Variants in MRGPRX3 observed in about 807,000 individuals in gnomAD.
The protein encoded by MRGPRX3 is MAS related GPR family member X3.
Under a neutral mutation model 16.5 loss-of-function variants are expected in MRGPRX3, and 14 were observed. The observed-to-expected ratio is 0.85, with a 90% CI of 0.56 to 1.33. The LOEUF (loss-of-function observed/expected upper bound fraction) is 1.33, where lower values mean the gene tolerates loss of function less well. Among genes scored for constraint, MRGPRX3 ranks in the 40% most tolerant of loss-of-function variants. The pLI is 0.00. For missense variants in MRGPRX3, 449 were observed against 413.0 expected, an observed-to-expected ratio of 1.09 and a Z score of -0.76; for synonymous variants, 199 against 180.1, an observed-to-expected ratio of 1.10 and a Z score of -0.84.
In MRGPRX3 at chr11:18,138,097, C is replaced by T. The variant is rs144841097; in HGVS notation, c.895C>T (p.Pro299Ser). 160 of 1,614,132 alleles carry T rather than the reference C, an allele frequency of 9.9e-5. No homozygotes were observed. In the African/African-American group the frequency reaches 1.7e-3, roughly 17 times the overall value. Reference protein sequence around the residue: ...LVLQRALQDTPEVDEGGGWLP... With the variant: ...LVLQRALQDTSEVDEGGGWLP... ...TCTCCAGAGGGCTCTGCAGGACACG[C>T]CTGAGGTGGATGAAGGTGGAGGGTG... Residue 299 changes from proline (P) to serine (S), a missense_variant, in exon 2 of 2, where the codon CCT becomes TCT. Coordinates refer to ENST00000621697, the MANE Select transcript of MRGPRX3 (RefSeq NM_001370464.1).
At chr11:18,130,114 T>A (rs760989860), upstream of MRGPRX3, among the ~76,000 whole-genome samples, 34 of 152,144 alleles carry the variant, frequency 2.2e-4, no homozygotes, top group Non-Finnish European at 4.1e-4. Context: ...CCCTGAGAAC[T>A]GGAACAAGAC....
intron 1 of MRGPRX3, among the ~76,000 whole-genome samples, chr11:18,125,229 A>G (rs1848880942): frequency 6.6e-6 from 1 of 152,076 alleles, no homozygotes; most frequent in Admixed American, 6.5e-5. Context: ...GCTTTCTGCT[A>G]GCTTTTGAAT....
intron 1 of MRGPRX3, among the ~76,000 whole-genome samples, chr11:18,125,465 G>A (rs1036322999): frequency 2.0e-5 from 3 of 152,176 alleles, no homozygotes; most frequent in African/African-American, 7.2e-5. Flanking sequence ...TCATTCAGGA[G>A]CAGGTTGTTC....
chr11:18,131,305 C>CG (rs1848959156), upstream of MRGPRX3, among the ~76,000 whole-genome samples: 1 of 151,892 alleles, frequency 6.6e-6, no homozygotes, highest in African/African-American at 2.4e-5. Flanking sequence ...GACTAATATC[C>CG]GGAATCCACA....
rs149836029 is a variant in MRGPRX3 at position 18,137,324 on chromosome 11, C to G, written c.122C>G (p.Ala41Gly). ...CTGACGTGCATCGTTTCCCTTGTCG[C>G]GCTGACAGGAAACGCGGTTGTGCTC... ...TGLTCIVSLV[A>G]LTGNAVVLWL... Residue 41 changes from alanine to glycine, a missense_variant, in exon 2 of 2, where the codon GCG (alanine) becomes GGG (glycine). Transcript: ENST00000621697. The G allele has an allele frequency of 2.4e-5, 38 of 1,614,138 alleles. No homozygotes were observed. Among genetic ancestry groups the G allele is most frequent in the African/African-American group, 1.5e-4 (11 of 75,034 alleles).
At chr11:18,132,507 G>T (rs567481342), upstream of MRGPRX3, 1 of 152,310 alleles carries the variant, frequency 6.6e-6, no homozygotes, top group Admixed American at 6.5e-5. Flanking sequence ...TAGGATTTGT[G>T]TCTCAAATAC....
chr11:18,124,791 G>GA (rs1848874463), intron 1 of MRGPRX3, among the ~76,000 whole-genome samples: 1 of 152,176 alleles, frequency 6.6e-6, no homozygotes. Context: ...ACCTCTGGTA[G>GA]AATTCGGCTG....
chr11:18,132,279 C>T (rs150038773), upstream of MRGPRX3, among the ~76,000 whole-genome samples: 219 of 152,284 alleles, frequency 1.4e-3, 1 homozygote, highest in African/African-American at 5.1e-3. Flanking sequence ...AAAATTGTGT[C>T]AGGCCATTGT....
Position 18,137,854 on chromosome 11 carries a change from A to G in MRGPRX3, c.652A>G (p.Ile218Val), listed in dbSNP as rs202132500. ...GCCGCTGACCAGGCTGTACGTGACC[A>G]TCCTCCTCACAGTGCTGGTCTTCCT... ...KMPLTRLYVT[I>V]LLTVLVFLLC... The change falls in exon 2 of 2, where the codon ATC (isoleucine) becomes GTC (valine). Residue 218 changes from isoleucine to valine, a missense_variant. By Grantham distance (29) the Ile-to-Val change is conservative. Transcript: ENST00000621697. 3 of 1,613,958 alleles carry G rather than the reference A, an allele frequency of 1.9e-6. No individual in the cohort carries two copies. The highest frequency in any genetic ancestry group is 1.7e-6 in the Non-Finnish European group (2 of 1,179,974).
chr11:18,121,056 G>A (rs1296489773), exon 1 of MRGPRX3: 1 of 153,176 alleles, frequency 6.5e-6, no homozygotes, highest in Non-Finnish European at 1.4e-5. Context: ...GAAGTGAGGA[G>A]CGTCTCTGCC....
upstream of MRGPRX3, among the ~76,000 whole-genome samples, chr11:18,128,726 C>T (rs3993319): frequency 0.051 from 7,794 of 152,278 alleles, 665 homozygotes; most frequent in African/African-American, 0.18. Context: ...TTGCACTTCC[C>T]GGGTGAGGTG....
chr11:18,129,124 T>G (rs577450379), upstream of MRGPRX3, among the ~76,000 whole-genome samples: 2 of 152,200 alleles, frequency 1.3e-5, no homozygotes, highest in East Asian at 3.9e-4. Flanking sequence ...TGAAGTCACA[T>G]CTCAAGGAAC....
rs112036397 is a variant in MRGPRX3, at chr11:18,133,370, G to A, written c.-26+631G>A. ...AGTGGAGAAGCCCTGCGTGGCCAAC[G>A]CACAGCCACACAGGCTGATATAGTT... On this transcript the variant is annotated intron_variant, in intron 1 of 1. Transcript: ENST00000621697. Among the ~76,000 whole-genome samples, 536 of 152,262 alleles carry A rather than the reference G, an allele frequency of 3.5e-3. 2 individuals are homozygous for A. The highest frequency in any genetic ancestry group is 0.012 in the African/African-American group (511 of 41,534).
chr11:18,121,528 G>A (rs1263699814), intron 1 of MRGPRX3, among the ~76,000 whole-genome samples: 2 of 152,266 alleles, frequency 1.3e-5, no homozygotes, highest in Non-Finnish European at 2.9e-5. Context: ...AACGGGCCAG[G>A]ATGACAATGG....
chr11:18,127,790 C>T (rs1848917439), upstream of MRGPRX3, among the ~76,000 whole-genome samples: 1 of 152,190 alleles, frequency 6.6e-6, no homozygotes, highest in Non-Finnish European at 1.5e-5. Flanking sequence ...CATTCTCCGT[C>T]CAGCTTTGTT....
chr11:18,124,696 G>T (rs1439192963), intron 1 of MRGPRX3, among the ~76,000 whole-genome samples: 2 of 152,180 alleles, frequency 1.3e-5, no homozygotes, highest in African/African-American at 4.8e-5. Context: ...GATGATGCTG[G>T]CCTCATAAAA....
At chr11:18,128,772 T>C (rs533783722), upstream of MRGPRX3, among the ~76,000 whole-genome samples, 1 of 152,314 alleles carries the variant, frequency 6.6e-6, no homozygotes, top group African/African-American at 2.4e-5. Context: ...CTTGGTGCGC[T>C]GCACCCACTG....
chr11:18,134,767 G>A (rs1564881340), intron 1 of MRGPRX3, among the ~76,000 whole-genome samples: 1 of 152,202 alleles, frequency 6.6e-6, no homozygotes. Flanking sequence ...ACGAGGGGAA[G>A]GAGAGGCTTT....
upstream of MRGPRX3, among the ~76,000 whole-genome samples, chr11:18,129,361 A>G (rs1055458348): frequency 3.3e-5 from 5 of 152,232 alleles, no homozygotes; most frequent in Non-Finnish European, 1.5e-5. Context: ...AGATATTACA[A>G]CCAATGCTAT....
Sources: allele counts gnomAD v4.1 joint callset (sites outside exome capture counted in the v4.1 genomes callset), GRCh38; gene constraint gnomAD v4.1.1; transcripts MANE v1.5; gene names NCBI Gene and HGNC (gene_info 2026-07-23, HGNC 2026-07-21).